Variants in NEGR1 observed in about 807,000 individuals in gnomAD.
NEGR1 encodes IgLON family member 4.
Under a neutral mutation model 40.9 loss-of-function variants are expected in NEGR1, and 10 were observed. The observed-to-expected ratio is 0.24, with a 90% confidence interval of 0.15 to 0.42. The LOEUF (loss-of-function observed/expected upper bound fraction) is 0.42. Ranked by LOEUF, NEGR1 falls within the 10% of genes least tolerant of loss-of-function variation. NEGR1 has a pLI of 1.00. For missense variants in NEGR1, 352 were observed against 438.9 expected, an observed-to-expected ratio of 0.80 and a Z score of 1.77; for synonymous variants, 185 against 166.8, an observed-to-expected ratio of 1.11 and a Z score of -0.84.
At chr1:71,880,184 T>C (rs913016811) in intron 2 of NEGR1, among the ~76,000 whole-genome samples, 1 of 152,014 alleles carries the variant, frequency 6.6e-6, no homozygotes, top group African/African-American at 2.4e-5. Context: ...GGTGGAAAGT[T>C]TTGAGGATAG....
At chr1:72,255,184 A>G (rs1481189775) in intron 1 of NEGR1, among the ~76,000 whole-genome samples, 2 of 152,214 alleles carry the variant, frequency 1.3e-5, no homozygotes, top group Admixed American at 6.5e-5. Flanking sequence ...GGAAGTACAG[A>G]TAAGTTAAAT....
intron 4 of NEGR1, among the ~76,000 whole-genome samples, chr1:71,648,697 A>G (rs376358918): frequency 6.6e-6 from 1 of 151,994 alleles, no homozygotes; most frequent in South Asian, 2.1e-4. Context: ...CTACGGTTCA[A>G]TCACAGAAAT....
chr1:71,641,061 A>G (rs1157507921), intron 4 of NEGR1, among the ~76,000 whole-genome samples: 1 of 152,106 alleles, frequency 6.6e-6, no homozygotes, highest in African/African-American at 2.4e-5. Context: ...ACAACAAAGT[A>G]TGTAAATCCA....
intron 6 of NEGR1, among the ~76,000 whole-genome samples, chr1:71,408,311 A>T (rs184445368): frequency 2.1e-4 from 32 of 152,180 alleles, no homozygotes; most frequent in Admixed American, 2.1e-3. Context: ...TTGAAACTAG[A>T]CCTCTAGACA....
intron 1 of NEGR1, among the ~76,000 whole-genome samples, chr1:72,149,369 C>T (rs1651030972): frequency 6.6e-6 from 1 of 152,086 alleles, no homozygotes; most frequent in South Asian, 2.1e-4. Context: ...TGGGTGGGGA[C>T]ACAGCCAAAT....
At chr1:71,648,907 C>A (rs1651617789) in intron 4 of NEGR1, among the ~76,000 whole-genome samples, 1 of 152,006 alleles carries the variant, frequency 6.6e-6, no homozygotes, top group Non-Finnish European at 1.5e-5. Flanking sequence ...TCTTCTTTTA[C>A]TTCTTCATTC....
intron 1 of NEGR1, among the ~76,000 whole-genome samples, chr1:72,210,902 T>C (rs1248575225): frequency 6.6e-6 from 1 of 151,818 alleles, no homozygotes; most frequent in Non-Finnish European, 1.5e-5. Flanking sequence ...ACATCACCAG[T>C]TGTCAAGTTT....
chr1:71,468,675 A>G (rs535380712), intron 6 of NEGR1: 1 of 152,138 alleles, frequency 6.6e-6, no homozygotes, highest in African/African-American at 2.4e-5. Flanking sequence ...TGTGGTTGGC[A>G]GCATAAATAA....
chr1:72,135,942 T>C (rs991236972), intron 1 of NEGR1, among the ~76,000 whole-genome samples: 4 of 152,184 alleles, frequency 2.6e-5, no homozygotes, highest in African/African-American at 7.2e-5. Flanking sequence ...GAGAATAATT[T>C]GCCCAAGATT....
At chr1:71,711,322 C>A (rs1198780600) in intron 3 of NEGR1, among the ~76,000 whole-genome samples, 1 of 111,006 alleles carries the variant, frequency 9.0e-6, no homozygotes, top group South Asian at 3.1e-4. Context: ...CCAGCCTGTG[C>A]GACAGAGCGA....
intron 6 of NEGR1, among the ~76,000 whole-genome samples, chr1:71,547,819 CG>C (rs897153985): frequency 2.0e-5 from 3 of 151,666 alleles, no homozygotes; most frequent in African/African-American, 7.3e-5. Flanking sequence ...GTACTGGGAT[CG>C]GTGTATCTGA....
intron 1 of NEGR1, among the ~76,000 whole-genome samples, chr1:72,275,718 C>T (rs899218565): frequency 2.6e-5 from 4 of 152,086 alleles, no homozygotes; most frequent in African/African-American, 9.7e-5. Context: ...ATGACAATCG[C>T]TTATTTATAT....
chr1:71,559,207 A>G (rs1166515215), intron 6 of NEGR1, among the ~76,000 whole-genome samples: 2 of 150,950 alleles, frequency 1.3e-5, no homozygotes, highest in African/African-American at 4.9e-5. Flanking sequence ...AATTTTTATT[A>G]CTATATTTTT....
chr1:71,841,056 G>T (rs1391202438), intron 2 of NEGR1, among the ~76,000 whole-genome samples: 1 of 151,878 alleles, frequency 6.6e-6, no homozygotes, highest in Non-Finnish European at 1.5e-5. Flanking sequence ...ATTTCTTAAG[G>T]TATATCTCTT....
intron 1 of NEGR1, among the ~76,000 whole-genome samples, chr1:72,141,530 T>C (rs1025065029): frequency 1.3e-5 from 2 of 151,972 alleles, no homozygotes; most frequent in African/African-American, 4.8e-5. Context: ...TACTATGCAA[T>C]CAAATGGGAG....
chr1:71,806,773 T>C (rs1163006975), intron 2 of NEGR1, among the ~76,000 whole-genome samples: 2 of 152,044 alleles, frequency 1.3e-5, no homozygotes, highest in African/African-American at 4.8e-5. Context: ...ACGTGTCAGA[T>C]AAGGCCTCAG....
intron 2 of NEGR1, among the ~76,000 whole-genome samples, chr1:71,829,296 G>T (rs1027312214): frequency 4.0e-5 from 6 of 151,718 alleles, no homozygotes; most frequent in South Asian, 2.1e-4. Flanking sequence ...AACAGATATT[G>T]GTTCCAGCAT....
intron 1 of NEGR1, among the ~76,000 whole-genome samples, chr1:72,172,548 A>G (rs1016812994): frequency 2.6e-5 from 4 of 152,188 alleles, no homozygotes; most frequent in Non-Finnish European, 4.4e-5. Context: ...TCCATTTTTC[A>G]TCATAAAAAA....
At chr1:71,992,562 C>T (rs1432729650) in intron 1 of NEGR1, among the ~76,000 whole-genome samples, 1 of 152,164 alleles carries the variant, frequency 6.6e-6, no homozygotes, top group Non-Finnish European at 1.5e-5. Flanking sequence ...ACTATTTAAA[C>T]ATGTAATCAA....
Sources: allele counts gnomAD v4.1 joint callset (sites outside exome capture counted in the v4.1 genomes callset), GRCh38; gene constraint gnomAD v4.1.1; transcripts MANE v1.5; gene names NCBI Gene and HGNC (gene_info 2026-07-23, HGNC 2026-07-21).